SHROOM4: variants seen among roughly 807,000 people sequenced by gnomAD.
The protein encoded by SHROOM4 is protein Shroom4.
In SHROOM4, 17 loss-of-function variants were observed where a neutral mutation model predicts 80.3. That is an observed-to-expected ratio of 0.21 (90% CI 0.14 to 0.32). SHROOM4 has a LOEUF of 0.32. SHROOM4 is among the 10% of genes least tolerant of loss of function. SHROOM4 has a pLI of 1.00. For synonymous variants in SHROOM4, 400 were observed against 437.5 expected, an observed-to-expected ratio of 0.91 and a Z score of 1.07; for missense variants, 993 against 1,140.3, an observed-to-expected ratio of 0.87 and a Z score of 1.86.
At chrX:50,745,345 T>C (rs1275022420) in intron 1 of SHROOM4, among the ~76,000 whole-genome samples, 1 of 111,365 alleles carries the variant, frequency 9.0e-6, no homozygotes, top group Non-Finnish European at 1.9e-5. Flanking sequence ...TATGTTACTA[T>C]TTGGAGCTGG....
In SHROOM4 at chrX:50,592,492, A is replaced by AT; in HGVS notation, c.*4202dup. 4.7e-6 allele frequency: 1 copy of AT among 212,587 alleles called. No individual in the cohort carries two copies. The highest frequency in any genetic ancestry group is 8.6e-6 in the Non-Finnish European group (1 of 116,082). The allele number at this position is 212,587 out of a possible 1,213,427, so 17.5% of individuals were successfully genotyped here. On this transcript the variant is annotated 3_prime_UTR_variant, in exon 9 of 9. Coordinates refer to ENST00000376020, the MANE Select transcript of SHROOM4 (RefSeq NM_020717.5). ...CAGAACCAGGATTTGAACACAGTTC[A>AT]TTCTAATGCCAAAGCTGGACTCTTT...
chrX:50,680,109 C>T (rs1932910380), intron 2 of SHROOM4, among the ~76,000 whole-genome samples: 1 of 111,453 alleles, frequency 9.0e-6, no homozygotes, highest in Non-Finnish European at 1.9e-5. Context: ...TGTGGGATAC[C>T]ACTCTCATTT....
intron 2 of SHROOM4, among the ~76,000 whole-genome samples, chrX:50,675,902 C>T (rs952801107): frequency 6.3e-5 from 7 of 111,596 alleles, no homozygotes; most frequent in Non-Finnish European, 1.3e-4. Context: ...AAAAGGCTGC[C>T]ATTTCTCAGC....
Position 50,635,576 on chromosome X carries a change from C to G in SHROOM4, c.497G>C (p.Gly166Ala), listed in dbSNP as rs919133810. ...CAGATGGCTCTCATAGGTGGCTTGG[C>G]CTGGTTGCTCCAGGCTCTCCATGCT... ...IGSMESLEQP[G>A]QATYESHLLP... The change falls in exon 4 of 9, where the codon GGC (glycine) becomes GCC (alanine). Residue 166 changes from glycine to alanine, a missense_variant. Physicochemically the swap from Gly to Ala is moderately conservative, Grantham distance 60. Coordinates refer to ENST00000376020, the MANE Select transcript of SHROOM4 (RefSeq NM_020717.5). The G allele has an allele frequency of 8.3e-7, 1 of 1,209,707 alleles. No homozygotes were observed. The highest frequency in any genetic ancestry group is 3.0e-5 in the East Asian group (1 of 33,743).
At chrX:50,579,053 A>C in the SHROOM4 span, among the ~76,000 whole-genome samples, 12 of 111,930 alleles carry the variant, frequency 1.1e-4, no homozygotes, top group African/African-American at 3.9e-4. Context: ...GAACTCAAAA[A>C]ACATGAGAAC....
Position 50,610,352 on chromosome X carries a change from T to TCTCTCACACACACACACA in SHROOM4, c.2958-2169_2958-2168insTGTGTGTGTGTGTGAGAG, listed in dbSNP as rs782591424. On this transcript the variant is annotated intron_variant, in intron 5 of 8. Coordinates refer to ENST00000376020, the MANE Select transcript of SHROOM4 (RefSeq NM_020717.5). ...GGCATATTCTCTCTCTCTCTCTCTC[T>TCTCTCACACACACACACA]CACACACACACACACACACACACAC... is the stretch of plus-strand genomic sequence containing the variant. 2.7e-3 allele frequency among the ~76,000 whole-genome samples: 246 copies of TCTCTCACACACACACACA among 91,699 alleles called. 1 individual carries two copies. Among genetic ancestry groups the TCTCTCACACACACACACA allele is most frequent in the African/African-American group, 0.011 (238 of 21,860 alleles). 79.6% of individuals were successfully genotyped at this position (91,699 alleles called of 115,157 possible).
chrX:50,653,397 A>G (rs1932188321), intron 2 of SHROOM4, among the ~76,000 whole-genome samples: 1 of 111,540 alleles, frequency 9.0e-6, no homozygotes, highest in Non-Finnish European at 1.9e-5. Flanking sequence ...AATGCTTGTG[A>G]ATTTTGCACA....
At chrX:50,646,527 A>AGGGTGT (rs1931843523) in intron 2 of SHROOM4, among the ~76,000 whole-genome samples, 1 of 78,781 alleles carries the variant, frequency 1.3e-5, no homozygotes, top group Non-Finnish European at 2.5e-5. Flanking sequence ...AGGGGGGAAG[A>AGGGTGT]GTGTGTGTGT....
chrX:50,787,346 C>T (rs1459315680), intron 1 of SHROOM4, among the ~76,000 whole-genome samples: 1 of 110,488 alleles, frequency 9.1e-6, no homozygotes, highest in African/African-American at 3.3e-5. Flanking sequence ...GAAGACAAGT[C>T]GTTGGTAATT....
chrX:50,652,967 T>C (rs1557259116), intron 2 of SHROOM4, among the ~76,000 whole-genome samples: 2 of 111,868 alleles, frequency 1.8e-5, no homozygotes, highest in Non-Finnish European at 1.9e-5. Flanking sequence ...TTGGCTACTG[T>C]AGCCTTGTAG....
chrX:50,659,780 CCT>C (rs1322520194), intron 2 of SHROOM4, among the ~76,000 whole-genome samples: 6 of 111,776 alleles, frequency 5.4e-5, no homozygotes, highest in African/African-American at 2.0e-4. Context: ...AGTTATTTAA[CCT>C]CTCTGCCTCA....
chrX:50,788,205 CTG>C (rs1230354277), intron 1 of SHROOM4, among the ~76,000 whole-genome samples: 1 of 111,684 alleles, frequency 9.0e-6, no homozygotes, highest in East Asian at 2.8e-4. Context: ...GAAGGGGAAA[CTG>C]TAGTTTTTGT....
intron 1 of SHROOM4, among the ~76,000 whole-genome samples, chrX:50,728,714 T>C (rs987038137): frequency 1.5e-4 from 17 of 111,127 alleles, no homozygotes; most frequent in African/African-American, 4.9e-4. Flanking sequence ...AGAGAGAACA[T>C]CTGGCTAAAT....
intron 1 of SHROOM4, among the ~76,000 whole-genome samples, chrX:50,783,402 T>A (rs1437179257): frequency 1.8e-5 from 2 of 111,644 alleles, no homozygotes; most frequent in Non-Finnish European, 3.8e-5. Context: ...CTACAAAACA[T>A]GGCTGAGATA....
At chrX:50,727,223 C>G (rs782617581) in intron 1 of SHROOM4, among the ~76,000 whole-genome samples, 1 of 112,764 alleles carries the variant, frequency 8.9e-6, no homozygotes, top group Non-Finnish European at 1.9e-5. Context: ...GCCCATACCC[C>G]CATTGTATCT....
At chrX:50,720,412 T>C (rs1390915488) in intron 1 of SHROOM4, among the ~76,000 whole-genome samples, 1 of 112,092 alleles carries the variant, frequency 8.9e-6, no homozygotes, top group Non-Finnish European at 1.9e-5. Flanking sequence ...CAGAAACTCC[T>C]CCTTAGAGTC....
At chrX:50,671,988 T>C (rs942376092) in intron 2 of SHROOM4, among the ~76,000 whole-genome samples, 11 of 112,064 alleles carry the variant, frequency 9.8e-5, no homozygotes, top group South Asian at 3.7e-4. Flanking sequence ...GGGTTATTAA[T>C]TGGTATAATT....
At chrX:50,675,896 G>C (rs1309916031) in intron 2 of SHROOM4, among the ~76,000 whole-genome samples, 1 of 111,537 alleles carries the variant, frequency 9.0e-6, no homozygotes, top group Non-Finnish European at 1.9e-5. Flanking sequence ...GAGATGAAAA[G>C]GCTGCCATTT....
At chrX:50,617,621 ATC>A (rs1930300550) in intron 5 of SHROOM4, among the ~76,000 whole-genome samples, 1 of 61,316 alleles carries the variant, frequency 1.6e-5, no homozygotes, top group African/African-American at 6.7e-5. Context: ...CCTTAAAAAA[ATC>A]CCCCCCCCCA....
Sources: gnomAD v4.1 joint callset for allele counts (sites outside exome capture counted in the v4.1 genomes callset) on GRCh38, gnomAD v4.1.1 for gene constraint, MANE v1.5 for transcripts, NCBI Gene and HGNC (gene_info 2026-07-23, HGNC 2026-07-21) for gene names.